NKAIN2: variants seen among roughly 807,000 people sequenced by gnomAD.
The protein encoded by NKAIN2 is sodium/potassium-transporting ATPase subunit beta-1-interacting protein 2.
Under a neutral mutation model 32.6 loss-of-function variants are expected in NKAIN2, and 14 were observed. That is an observed-to-expected ratio of 0.43 (90% CI 0.28 to 0.67). The LOEUF (loss-of-function observed/expected upper bound fraction) is 0.67. NKAIN2 is among the 30% of genes least tolerant of loss of function. The probability of loss-of-function intolerance (pLI) is 0.17; values close to 1 mark genes in which losing one functional copy is unlikely to be tolerated. For synonymous variants in NKAIN2, 80 were observed against 87.2 expected (o/e 0.92, Z 0.46); for missense variants, 198 against 258.3 (o/e 0.77, Z 1.60).
chr6:124,513,067 A>ATC (rs1778776947), intron 3 of NKAIN2, among the ~76,000 whole-genome samples: 1 of 152,234 alleles, frequency 6.6e-6, no homozygotes, highest in African/African-American at 2.4e-5. Flanking sequence ...GATAAAGGCA[A>ATC]AATGAATCAG....
intron 1 of NKAIN2, among the ~76,000 whole-genome samples, chr6:124,030,106 C>T (rs560504376): frequency 6.6e-6 from 1 of 152,178 alleles, no homozygotes; most frequent in South Asian, 2.1e-4. Context: ...TGCCTAATGA[C>T]CTGTCACTGT....
At chr6:124,629,043 A>C (rs11754712) in intron 3 of NKAIN2, among the ~76,000 whole-genome samples, 5,855 of 152,180 alleles carry the variant, frequency 0.038, 194 homozygotes, top group African/African-American at 0.086. Flanking sequence ...TCAGTCATGC[A>C]TTGTGGAGTT....
chr6:124,066,162 T>C (rs1783163941), intron 1 of NKAIN2, among the ~76,000 whole-genome samples: 1 of 152,142 alleles, frequency 6.6e-6, no homozygotes, highest in African/African-American at 2.4e-5. Flanking sequence ...GACCCAGATA[T>C]ATAAAATATT....
At chr6:124,682,024 A>T (rs1340352007) in intron 4 of NKAIN2, among the ~76,000 whole-genome samples, 1 of 152,124 alleles carries the variant, frequency 6.6e-6, no homozygotes, top group Non-Finnish European at 1.5e-5. Flanking sequence ...AATACTGGGG[A>T]TAAAAATGTA....
At chr6:124,741,211 C>T (rs912361259) in intron 4 of NKAIN2, among the ~76,000 whole-genome samples, 5 of 151,302 alleles carry the variant, frequency 3.3e-5, no homozygotes, top group African/African-American at 9.7e-5. Context: ...TACTATACAA[C>T]CAAGCAGAAA....
chr6:124,386,998 T>A (rs145914411), intron 3 of NKAIN2, among the ~76,000 whole-genome samples: 1 of 152,158 alleles, frequency 6.6e-6, no homozygotes, highest in Non-Finnish European at 1.5e-5. Context: ...AACTAATTTC[T>A]TATTCTTCTT....
Position 123,904,249 on chromosome 6 carries a change from A to G in NKAIN2, c.54+99995A>G, listed in dbSNP as rs141427324. ...TCTGCTTAAAAAAAAAAGAAAAAAGAAAGAAAAAAAAGAAATGACCAATTA... is the reference window on the plus strand; with the variant it reads ...TCTGCTTAAAAAAAAAAGAAAAAAGGAAGAAAAAAAAGAAATGACCAATTA... On this transcript the variant is annotated intron_variant, in intron 1 of 6. Coordinates refer to ENST00000368417, the MANE Select transcript of NKAIN2 (RefSeq NM_001040214.3). 4.9e-3 allele frequency among the ~76,000 whole-genome samples: 752 copies of G among 152,226 alleles called. 2 individuals are homozygous for G. The highest frequency in any genetic ancestry group is 0.016 in the South Asian group (78 of 4,814).
chr6:123,910,764 A>G (rs779131128), intron 1 of NKAIN2, among the ~76,000 whole-genome samples: 18 of 152,064 alleles, frequency 1.2e-4, no homozygotes, highest in Admixed American at 5.9e-4. Flanking sequence ...TTAGCCTCCC[A>G]AAGTGCTGGG....
chr6:124,787,366 G>A (rs1355375993), intron 4 of NKAIN2, among the ~76,000 whole-genome samples: 5 of 152,082 alleles, frequency 3.3e-5, no homozygotes, highest in African/African-American at 1.2e-4. Flanking sequence ...AAGTAAGCAG[G>A]CAGTACTGCC....
chr6:124,145,363 C>T (rs1249754625), intron 1 of NKAIN2, among the ~76,000 whole-genome samples: 1 of 152,112 alleles, frequency 6.6e-6, no homozygotes, highest in Non-Finnish European at 1.5e-5. Flanking sequence ...CTGAAATCAG[C>T]CAAGATGTTC....
intron 4 of NKAIN2, among the ~76,000 whole-genome samples, chr6:124,726,736 G>C (rs1408795795): frequency 6.9e-6 from 1 of 144,524 alleles, no homozygotes; most frequent in Non-Finnish European, 1.5e-5. Context: ...AGAGAAGAAG[G>C]CTTCAGACGA....
intron 2 of NKAIN2, among the ~76,000 whole-genome samples, chr6:124,327,062 AT>A (rs11401372): frequency 3.9e-4 from 56 of 144,036 alleles, no homozygotes; most frequent in East Asian, 6.1e-4. Flanking sequence ...TCCTCAGACT[AT>A]TTTTTTTTTT....
intron 1 of NKAIN2, among the ~76,000 whole-genome samples, chr6:123,877,575 C>G (rs552644514): frequency 6.8e-4 from 103 of 152,286 alleles, no homozygotes; most frequent in African/African-American, 2.4e-3. Flanking sequence ...CCCATGCACT[C>G]TAGGTAATGA....
chr6:123,924,782 G>C (rs946823613), intron 1 of NKAIN2, among the ~76,000 whole-genome samples: 1 of 151,816 alleles, frequency 6.6e-6, no homozygotes, highest in African/African-American at 2.4e-5. Context: ...TATTTTACAG[G>C]AATTATTTCC....
intron 1 of NKAIN2, among the ~76,000 whole-genome samples, chr6:123,959,326 G>A (rs1427328215): frequency 6.6e-6 from 1 of 152,142 alleles, no homozygotes; most frequent in Non-Finnish European, 1.5e-5. Flanking sequence ...GCACACAGTG[G>A]ATCAGAAAGC....
intron 1 of NKAIN2, among the ~76,000 whole-genome samples, chr6:124,063,277 A>C (rs1425458958): frequency 2.0e-5 from 3 of 152,164 alleles, no homozygotes; most frequent in Admixed American, 6.6e-5. Flanking sequence ...AACTCCAGAG[A>C]TGAGATGTAA....
intron 1 of NKAIN2, among the ~76,000 whole-genome samples, chr6:123,875,273 A>G (rs1363144978): frequency 6.6e-6 from 1 of 151,982 alleles, no homozygotes; most frequent in Non-Finnish European, 1.5e-5. Context: ...AAAACGTATG[A>G]ACATGTAAAG....
At chr6:124,151,563 A>G (rs1331837439) in intron 1 of NKAIN2, among the ~76,000 whole-genome samples, 1 of 152,048 alleles carries the variant, frequency 6.6e-6, no homozygotes, top group Non-Finnish European at 1.5e-5. Context: ...TTGCTAGGTC[A>G]CAGAGAGTGC....
chr6:124,460,398 C>T (rs1776486357), intron 3 of NKAIN2, among the ~76,000 whole-genome samples: 1 of 151,698 alleles, frequency 6.6e-6, no homozygotes, highest in South Asian at 2.1e-4. Context: ...AAACCACATC[C>T]TTTAGAAGTT....
Sources: allele counts gnomAD v4.1 joint callset (sites outside exome capture counted in the v4.1 genomes callset), GRCh38; gene constraint gnomAD v4.1.1; transcripts MANE v1.5; gene names NCBI Gene and HGNC (gene_info 2026-07-23, HGNC 2026-07-21).